MRPS9: variants seen among roughly 807,000 people sequenced by gnomAD.
MRPS9 encodes the protein small ribosomal subunit protein uS9m.
Under a neutral mutation model 59.9 loss-of-function variants are expected in MRPS9, and 45 were observed. That is an observed-to-expected ratio of 0.75 (90% CI 0.59 to 0.96). The LOEUF is 0.96. MRPS9 is among the 40% of genes least tolerant of loss of function. MRPS9 has a pLI of 0.00. For synonymous variants in MRPS9, 171 were observed against 166.8 expected, an observed-to-expected ratio of 1.03 and a Z score of -0.19; for missense variants, 473 against 481.1, an observed-to-expected ratio of 0.98 and a Z score of 0.16.
chr2:105,082,047 C>G (rs1398997686), intron 5 of MRPS9, among the ~76,000 whole-genome samples: 9 of 152,170 alleles, frequency 5.9e-5, no homozygotes, highest in Non-Finnish European at 1.3e-4. Context: ...AGCTATAACA[C>G]TTGGAGCCAT....
chr2:105,089,889 TAA>T (rs778005039), intron 6 of MRPS9, 29 bp from the exon 7 acceptor site: 1 of 1,475,912 alleles, frequency 6.8e-7, no homozygotes, highest in Admixed American at 1.8e-5. Context: ...CATGGCTAAT[TAA>T]AAAGAGAATA....
intron 1 of MRPS9, among the ~76,000 whole-genome samples, chr2:105,044,813 A>G (rs1679565558): frequency 1.3e-5 from 2 of 152,228 alleles, no homozygotes; most frequent in African/African-American, 4.8e-5. Flanking sequence ...GCTGAAGAAA[A>G]TACAAAGGGA....
chr2:105,085,247 G>A (rs1018640188), intron 5 of MRPS9, among the ~76,000 whole-genome samples: 1 of 152,156 alleles, frequency 6.6e-6, no homozygotes, highest in Non-Finnish European at 1.5e-5. Flanking sequence ...TTAATGATAA[G>A]TGGATTACAT....
Position 105,054,629 on chromosome 2 carries a change from C to T in MRPS9, c.315+5279C>T, listed in dbSNP as rs551635492. 4.5e-3 allele frequency among the ~76,000 whole-genome samples: 631 copies of T among 139,932 alleles called. 13 individuals carry two copies. The highest frequency in any genetic ancestry group is 0.016 in the African/African-American group (581 of 35,702). 91.8% of individuals were successfully genotyped at this position (139,932 alleles called of 152,430 possible). A position where few individuals can be genotyped will look rare whatever the true frequency, so the allele number is the denominator to read the frequency against. On this transcript the variant is annotated intron_variant, in intron 2 of 10. Coordinates refer to ENST00000258455, the MANE Select transcript of MRPS9 (RefSeq NM_182640.3). ...AAATATAGCGGGCCCCTTTTGGTATCGCATTTTATTAAATATAGCGGGCCC... is the reference window on the plus strand; with the variant it reads ...AAATATAGCGGGCCCCTTTTGGTATTGCATTTTATTAAATATAGCGGGCCC...
chr2:105,099,356 A>G, intron 10 of MRPS9: 1 of 203,434 alleles, frequency 4.9e-6, no homozygotes, highest in Non-Finnish European at 1.0e-5. Flanking sequence ...GACCGCCCAC[A>G]CAAGAGGAGC....
intron 2 of MRPS9, among the ~76,000 whole-genome samples, chr2:105,061,058 C>G (rs1347030886): frequency 1.5e-5 from 2 of 134,978 alleles, no homozygotes; most frequent in African/African-American, 5.6e-5. Flanking sequence ...TGCAGTGAGC[C>G]GAGATCGCAT....
Position 105,049,366 on chromosome 2 carries a change from C to T in MRPS9, c.315+16C>T, listed in dbSNP as rs573906172. On this transcript the variant is annotated intron_variant, in intron 2 of 10. Coordinates refer to ENST00000258455, the MANE Select transcript of MRPS9 (RefSeq NM_182640.3). ...AGATATTGACGTAAGTACAGTTACTCTGTTGAAAAAGTAATTGCTGTAGAG... is the reference window on the plus strand; with the variant it reads ...AGATATTGACGTAAGTACAGTTACTTTGTTGAAAAAGTAATTGCTGTAGAG... 6.9e-6 allele frequency: 11 copies of T among 1,593,154 alleles called. No individual in the cohort carries two copies. Among genetic ancestry groups the T allele is most frequent in the Non-Finnish European group, 9.4e-6 (11 of 1,173,254 alleles).
At chr2:105,074,337 A>G (rs1320821039) in intron 4 of MRPS9, among the ~76,000 whole-genome samples, 1 of 152,234 alleles carries the variant, frequency 6.6e-6, no homozygotes, top group Non-Finnish European at 1.5e-5. Flanking sequence ...AAGCTAGTGA[A>G]ATCAATCAAC....
chr2:105,076,596 C>A (rs1312797961), intron 4 of MRPS9, among the ~76,000 whole-genome samples: 1 of 152,162 alleles, frequency 6.6e-6, no homozygotes, highest in Non-Finnish European at 1.5e-5. Context: ...TTGGTCAAGA[C>A]TTTAAAAATT....
At chr2:105,074,787 T>C (rs1281857962) in intron 4 of MRPS9, among the ~76,000 whole-genome samples, 1 of 152,140 alleles carries the variant, frequency 6.6e-6, no homozygotes, top group Admixed American at 6.6e-5. Context: ...ATTGCCACAG[T>C]TGTCTCAATC....
intron 2 of MRPS9, among the ~76,000 whole-genome samples, chr2:105,062,258 C>G (rs373137606): frequency 6.6e-6 from 1 of 152,190 alleles, no homozygotes; most frequent in Non-Finnish European, 1.5e-5. Context: ...AATAGGGTAT[C>G]TAAACCCAGT....
chr2:105,071,876 A>G (rs911664161), intron 4 of MRPS9, among the ~76,000 whole-genome samples: 5 of 152,130 alleles, frequency 3.3e-5, no homozygotes, highest in African/African-American at 4.8e-5. Context: ...TGTTCTTTCA[A>G]TACTTTAATG....
intron 4 of MRPS9, 55 bp from the exon 5 acceptor site, chr2:105,079,928 T>G: frequency 1.6e-6 from 2 of 1,255,628 alleles, no homozygotes; most frequent in South Asian, 2.7e-5. Flanking sequence ...ATGCAGCTAT[T>G]TGGTCTGTCT....
chr2:105,054,630 G>T (rs560320398), intron 2 of MRPS9, among the ~76,000 whole-genome samples: 94 of 141,364 alleles, frequency 6.6e-4, no homozygotes, highest in African/African-American at 2.1e-3. Flanking sequence ...TTTTGGTATC[G>T]CATTTTATTA....
intron 5 of MRPS9, among the ~76,000 whole-genome samples, chr2:105,088,740 AAAGTT>A (rs1680498388): frequency 6.6e-6 from 1 of 152,080 alleles, no homozygotes; most frequent in Non-Finnish European, 1.5e-5. Flanking sequence ...AAAATCAGCT[AAAGTT>A]AAGTGTGCTG....
rs1453585226 is a variant in MRPS9, at chr2:105,092,290, C to G, written c.652-111C>G. ...TGAAGATGCAGAAGTGTCATCCTGT[C>G]AAAATTCATCAGGAAAAGCAACATT... On this transcript the variant is annotated intron_variant, in intron 7 of 10. Coordinates refer to ENST00000258455, the MANE Select transcript of MRPS9 (RefSeq NM_182640.3). 2.5e-5 allele frequency: 24 copies of G among 947,412 alleles called. No homozygotes were observed. In the East Asian group the frequency reaches 6.4e-4, roughly 25 times the overall value. The allele number at this position is 947,412 out of a possible 1,614,324, so 58.7% of individuals were successfully genotyped here. A position where few individuals can be genotyped will look rare whatever the true frequency, so the allele number is the denominator to read the frequency against.
intron 5 of MRPS9, among the ~76,000 whole-genome samples, chr2:105,082,747 T>C (rs2104462362): frequency 6.6e-6 from 1 of 152,316 alleles, no homozygotes; most frequent in East Asian, 1.9e-4. Context: ...TTCTCACGTT[T>C]TGGAAATGTG....
At position 105,093,533 on chromosome 2, in the gene MRPS9, A is replaced by G; in HGVS notation, c.824A>G (p.Lys275Arg). The change falls in exon 9 of 11, where the codon AAA becomes AGA. Residue 275 changes from lysine to arginine, a missense_variant. By Grantham distance (26) the Lys-to-Arg change is conservative. Coordinates refer to ENST00000258455, the MANE Select transcript of MRPS9 (RefSeq NM_182640.3). Reference protein sequence around the residue: ...QGMAFSKSEGKRKTAKAEAIV... With the variant: ...QGMAFSKSEGRRKTAKAEAIV... ...TAGGAATTTTATATTTTTGAAGGTA[A>G]AAGAAAGACTGCAAAAGCAGAAGCA... 6.4e-7 allele frequency: 1 copy of G among 1,573,424 alleles called. No individual in the cohort carries two copies. Among genetic ancestry groups the G allele is most frequent in the Non-Finnish European group, 8.7e-7 (1 of 1,154,250 alleles).
intron 5 of MRPS9, among the ~76,000 whole-genome samples, chr2:105,086,517 C>G (rs1022037421): frequency 1.3e-5 from 2 of 152,146 alleles, no homozygotes; most frequent in Admixed American, 6.5e-5. Flanking sequence ...TTAAAACTTA[C>G]GTACAAGATA....
Sources: gnomAD v4.1 joint callset for allele counts (sites outside exome capture counted in the v4.1 genomes callset) on GRCh38, gnomAD v4.1.1 for gene constraint, MANE v1.5 for transcripts, NCBI Gene and HGNC (gene_info 2026-07-23, HGNC 2026-07-21) for gene names.